ENOSF1: variants seen among roughly 807,000 people sequenced by gnomAD.
ENOSF1 encodes enolase superfamily member 1.
ENOSF1 carries 73 observed loss-of-function variants against 68.2 expected under a neutral mutation model. The ratio of observed to expected loss-of-function variants is 1.07; its 90% CI spans 0.89 to 1.30. The LOEUF (loss-of-function observed/expected upper bound fraction) is 1.30, where lower values mean the gene tolerates loss of function less well. ENOSF1 is among the 50% of genes most tolerant of loss of function. ENOSF1 has a pLI of 0.00. For synonymous variants in ENOSF1, 223 were observed against 210.4 expected, an observed-to-expected ratio of 1.06 and a Z score of -0.52; for missense variants, 589 against 554.5, an observed-to-expected ratio of 1.06 and a Z score of -0.62.
chr18:683,262 T>C lies in ENOSF1; in HGVS notation c.860A>G (p.His287Arg). 6.2e-7 allele frequency: 1 copy of C among 1,614,078 alleles called. No individual in the cohort carries two copies. The change falls in exon 11 of 16, where the codon CAC (histidine) becomes CGC (arginine). Residue 287 changes from histidine to arginine, a missense_variant. His to Arg is a conservative substitution (Grantham distance 29, BLOSUM62 0). Transcript: ENST00000647584. Reference sequence around the variant, plus strand: ...TTTTCCTACCTTGGAAATGGTGGCGTGCCCCAGAATGTCATCAGGGGAGGT... The same window carrying C: ...TTTTCCTACCTTGGAAATGGTGGCGCGCCCCAGAATGTCATCAGGGGAGGT... ...EPTSPDDILGHATISKALVPL... is the reference protein window; with the variant it reads ...EPTSPDDILGRATISKALVPL...
intron 1 of ENOSF1, chr18:707,680 A>T (rs1004488022): frequency 2.6e-5 from 4 of 152,188 alleles, no homozygotes; most frequent in Non-Finnish European, 5.9e-5. Context: ...TACTGTTATT[A>T]TTCTATAATA....
intron 11 of ENOSF1, among the ~76,000 whole-genome samples, chr18:682,421 C>T (rs1000645239): frequency 6.6e-6 from 1 of 152,112 alleles, no homozygotes; most frequent in Non-Finnish European, 1.5e-5. Context: ...ATCTCTACAA[C>T]GTCACTGGGC....
intron 9 of ENOSF1, chr18:686,276 A>C: frequency 5.0e-6 from 2 of 397,824 alleles, no homozygotes; most frequent in Non-Finnish European, 4.5e-6. Context: ...AATATAATTA[A>C]CTCCGTTTTT....
At chr18:666,919 G>GGT (rs1567989423), downstream of ENOSF1, among the ~76,000 whole-genome samples, 8 of 71,782 alleles carry the variant, frequency 1.1e-4, no homozygotes, top group South Asian at 1.2e-3. Context: ...TGATGGTGAT[G>GGT]GAGATGGTGA....
chr18:666,924 T>TG (rs1322824373), downstream of ENOSF1, among the ~76,000 whole-genome samples: 5 of 65,230 alleles, frequency 7.7e-5, 1 homozygote, highest in African/African-American at 1.5e-4. Context: ...GTGATGGAGA[T>TG]GGTGATGGTG....
downstream of ENOSF1, among the ~76,000 whole-genome samples, chr18:668,651 A>ACT (rs754573274): frequency 2.6e-5 from 4 of 152,268 alleles, no homozygotes; most frequent in South Asian, 8.3e-4. Context: ...AAGATACAAC[A>ACT]CTCTCTGTGA....
Position 674,843 on chromosome 18 carries a change from GTTTGGAGAC to G in ENOSF1, c.1231-446_1231-438del, listed in dbSNP as rs199687656. 1.5e-3 allele frequency among the ~76,000 whole-genome samples: 222 copies of G among 152,314 alleles called. 1 individual carries two copies. Among genetic ancestry groups the G allele is most frequent in the African/African-American group, 5.2e-3 (215 of 41,578 alleles). The stretch of plus-strand genomic sequence containing the variant: ...CCCTGAATTAATATTTTTAAAATAA[GTTTGGAGAC>G]TGTTGGAAATAATAGGGCAGAGGAA... On this transcript the variant is annotated intron_variant, in intron 15 of 15. Coordinates refer to ENST00000647584, the MANE Select transcript of ENOSF1 (RefSeq NM_017512.7).
chr18:684,275 A>T (rs560640750), intron 10 of ENOSF1, among the ~76,000 whole-genome samples: 3 of 151,998 alleles, frequency 2.0e-5, no homozygotes, highest in African/African-American at 4.8e-5. Flanking sequence ...GATTACAGCC[A>T]TGAGCCACTG....
intron 3 of ENOSF1, among the ~76,000 whole-genome samples, chr18:695,282 G>A (rs1419774036): frequency 6.6e-6 from 1 of 152,108 alleles, no homozygotes; most frequent in African/African-American, 2.4e-5. Context: ...ACTAGATTCA[G>A]GTAATACATT....
At chr18:665,653 G>A (rs1006611202), downstream of ENOSF1, among the ~76,000 whole-genome samples, 1 of 100,394 alleles carries the variant, frequency 1.0e-5, no homozygotes, top group Non-Finnish European at 1.9e-5. Flanking sequence ...TGGGCATTTA[G>A]TGCTATAAAT....
At chr18:693,683 A>C (rs1194951200) in intron 5 of ENOSF1, 199 bp downstream of exon 5, 41 of 985,188 alleles carry the variant, frequency 4.2e-5, no homozygotes, top group Non-Finnish European at 4.7e-5. Context: ...CCCTCATGCC[A>C]CCCTGCCTGC....
chr18:684,987 G>A (rs1304585636), intron 10 of ENOSF1, among the ~76,000 whole-genome samples: 1 of 151,520 alleles, frequency 6.6e-6, no homozygotes, highest in African/African-American at 2.4e-5. Flanking sequence ...ATCTTCCAAA[G>A]TAGGAGGGAT....
At chr18:669,293 TTGA>T, downstream of ENOSF1, 1 of 316,046 alleles carries the variant, frequency 3.2e-6, no homozygotes, top group Non-Finnish European at 4.6e-6. Context: ...AGCCACATGG[TTGA>T]TTGTGTGACG....
At chr18:700,902 A>AC (rs1245755689) in intron 2 of ENOSF1, among the ~76,000 whole-genome samples, 11 of 151,088 alleles carry the variant, frequency 7.3e-5, no homozygotes, top group Non-Finnish European at 1.5e-4. Context: ...AAAAAAAAAA[A>AC]AAAAAAAAAA....
intron 2 of ENOSF1, among the ~76,000 whole-genome samples, chr18:699,176 G>T (rs1167545752): frequency 6.6e-6 from 1 of 152,096 alleles, no homozygotes; most frequent in Non-Finnish European, 1.5e-5. Flanking sequence ...TACTTTGAAA[G>T]GATTTCTTGG....
At chr18:678,288 G>A (rs1283409601) in intron 12 of ENOSF1, 2 of 299,272 alleles carry the variant, frequency 6.7e-6, no homozygotes, top group South Asian at 4.5e-5. Context: ...AGCTCCTCAC[G>A]CTGCTCTGCT....
intron 1 of ENOSF1, among the ~76,000 whole-genome samples, chr18:710,795 T>C (rs960196878): frequency 6.6e-6 from 1 of 152,236 alleles, no homozygotes; most frequent in Admixed American, 6.5e-5. Context: ...AGAAAGATTG[T>C]GTGACTTAGC....
chr18:702,580 A>G (rs1317289822), intron 2 of ENOSF1, among the ~76,000 whole-genome samples: 3 of 152,110 alleles, frequency 2.0e-5, no homozygotes, highest in Non-Finnish European at 2.9e-5. Context: ...GTCTCTCAAA[A>G]AAAAGAAACA....
chr18:693,320 C>G, intron 5 of ENOSF1: 2 of 1,223,186 alleles, frequency 1.6e-6, no homozygotes, highest in Non-Finnish European at 2.1e-6. Context: ...TGGATAGTAT[C>G]TTTTCTTTTT....
Sources: gnomAD v4.1 joint callset for allele counts (sites outside exome capture counted in the v4.1 genomes callset) on GRCh38, gnomAD v4.1.1 for gene constraint, MANE v1.5 for transcripts, NCBI Gene and HGNC (gene_info 2026-07-23, HGNC 2026-07-21) for gene names.